RANBP2: variants seen among roughly 807,000 people sequenced by gnomAD.
RANBP2 encodes RAN binding protein 2.
A neutral mutation model predicts 303.6 loss-of-function variants in RANBP2; 57 were observed. The ratio of observed to expected loss-of-function variants is 0.19; its 90% CI spans 0.15 to 0.23. The LOEUF (loss-of-function observed/expected upper bound fraction) is 0.23. Ranked by LOEUF, RANBP2 falls within the 10% of genes least tolerant of loss-of-function variation. RANBP2 has a pLI of 1.00. For missense variants in RANBP2, 3,138 were observed against 3,780.8 expected (o/e 0.83, Z 4.46); for synonymous variants, 1,167 against 1,301.5 (o/e 0.90, Z 2.23).
At chr2:108,797,631 G>A in the RANBP2 span, among the ~76,000 whole-genome samples, 6 of 152,242 alleles carry the variant, frequency 3.9e-5, no homozygotes, top group African/African-American at 1.4e-4. Flanking sequence ...TCACAGGATG[G>A]CTTAAGGCAA....
chr2:109,609,178 A>T, the RANBP2 span, among the ~76,000 whole-genome samples: 1 of 152,354 alleles, frequency 6.6e-6, no homozygotes, highest in South Asian at 2.1e-4. Context: ...ATTAGAACAT[A>T]AGTGTAGATG....
chr2:108,932,106 G>A, the RANBP2 span, among the ~76,000 whole-genome samples: 88 of 152,210 alleles, frequency 5.8e-4, no homozygotes, highest in East Asian at 3.5e-3. Flanking sequence ...CAAAAACACC[G>A]TGACGAACAT....
the RANBP2 span, among the ~76,000 whole-genome samples, chr2:109,638,389 T>C: frequency 1.3e-5 from 2 of 152,226 alleles, no homozygotes; most frequent in Non-Finnish European, 1.5e-5. Flanking sequence ...TTCATTTTCA[T>C]GTTCCATCAG....
the RANBP2 span, among the ~76,000 whole-genome samples, chr2:108,943,616 G>A: frequency 6.6e-6 from 1 of 152,112 alleles, no homozygotes; most frequent in Admixed American, 6.5e-5. Context: ...ACTCACTTCC[G>A]AGCACAACAG....
the RANBP2 span, among the ~76,000 whole-genome samples, chr2:108,964,449 G>T: frequency 1.3e-5 from 2 of 152,124 alleles, no homozygotes; most frequent in African/African-American, 4.8e-5. Context: ...CTAAACTGAA[G>T]AGGAAACCCA....
chr2:108,723,174 T>G (rs1255714364), intron 1 of RANBP2, among the ~76,000 whole-genome samples: 1 of 148,412 alleles, frequency 6.7e-6, no homozygotes, highest in Non-Finnish European at 1.5e-5. Flanking sequence ...TTGACAGCTG[T>G]TAGTTGTTTT....
Position 108,775,864 on chromosome 2 carries a change from T to C in RANBP2, c.8425T>C (p.Ser2809Pro). The change falls in exon 24 of 29, where the codon TCC becomes CCC. Residue 2809 changes from serine (S) to proline (P), a missense_variant. This residue lies in a region of RANBP2 where 497 missense variants were observed against 465.8 expected (regional missense o/e 1.07). Coordinates refer to ENST00000283195, the MANE Select transcript of RANBP2 (RefSeq NM_006267.5). ...ITKSISSPSV[S>P]SETMDKPVDL... ...CAAATCCATTAGTTCACCATCTGTT[T>C]CCTCTGAAACTATGGACAAACCTGT... 2 of 1,613,552 alleles carry C rather than the reference T, an allele frequency of 1.2e-6. No homozygotes were observed. The highest frequency in any genetic ancestry group is 1.7e-6 in the Non-Finnish European group (2 of 1,179,922).
chr2:108,752,656 G>T (rs1432258199), intron 12 of RANBP2, among the ~76,000 whole-genome samples: 2 of 151,160 alleles, frequency 1.3e-5, no homozygotes, highest in African/African-American at 2.4e-5. Context: ...AGCCGGGCGT[G>T]GTGGCAGGCA....
chr2:108,921,299 C>T, the RANBP2 span, among the ~76,000 whole-genome samples: 2 of 152,164 alleles, frequency 1.3e-5, no homozygotes. Context: ...CCTGCAGCTG[C>T]GACCCATTGT....
At chr2:108,738,797 T>A (rs1695835199) in intron 6 of RANBP2, among the ~76,000 whole-genome samples, 1 of 151,218 alleles carries the variant, frequency 6.6e-6, no homozygotes, top group Admixed American at 6.6e-5. Context: ...CCTGGCTAAT[T>A]TTTTGTATTT....
the RANBP2 span, among the ~76,000 whole-genome samples, chr2:109,054,377 A>G: frequency 6.6e-6 from 1 of 152,148 alleles, no homozygotes; most frequent in African/African-American, 2.4e-5. Context: ...AAATTGGAGT[A>G]TAATTTACAT....
the RANBP2 span, among the ~76,000 whole-genome samples, chr2:108,820,611 C>T: frequency 6.6e-6 from 1 of 150,906 alleles, no homozygotes; most frequent in Admixed American, 6.6e-5. Flanking sequence ...CAGCTGGTCA[C>T]GTTCAAGGGA....
the RANBP2 span, among the ~76,000 whole-genome samples, chr2:109,464,406 C>G: frequency 6.6e-6 from 1 of 151,930 alleles, no homozygotes; most frequent in African/African-American, 2.4e-5. Context: ...AACAAAAATA[C>G]ACATACAAAC....
chr2:109,690,826 C>G, the RANBP2 span, among the ~76,000 whole-genome samples: 1 of 152,178 alleles, frequency 6.6e-6, no homozygotes, highest in Non-Finnish European at 1.5e-5. Flanking sequence ...CCCTTCCTGA[C>G]TTTGTTTTTT....
In RANBP2 at chr2:108,753,499, T is replaced by C. The variant is rs770464476; in HGVS notation, c.1991T>C (p.Ile664Thr). Residue 664 changes from isoleucine to threonine, a missense_variant, in exon 14 of 29, where the codon ATA becomes ACA. Coordinates refer to ENST00000283195, the MANE Select transcript of RANBP2 (RefSeq NM_006267.5). ...FAILDAVNGNIEDAVTAFESI... is the reference protein window; with the variant it reads ...FAILDAVNGNTEDAVTAFESI... ...ATATTGGATGCAGTAAATGGAAATA[T>C]AGAAGATGCTGTGACTGCTTTTGAA... The C allele has an allele frequency of 1.3e-5, 21 of 1,611,822 alleles. No individual in the cohort carries two copies. The highest frequency in any genetic ancestry group is 3.3e-5 in the Admixed American group (2 of 60,002).
the RANBP2 span, chr2:109,347,971 G>T: frequency 2.0e-5 from 31 of 1,574,270 alleles, no homozygotes; most frequent in Non-Finnish European, 2.5e-5. Context: ...CCCGGGGTGG[G>T]CCCCGCCAGC....
the RANBP2 span, among the ~76,000 whole-genome samples, chr2:109,680,963 C>T: frequency 6.6e-6 from 1 of 152,134 alleles, no homozygotes; most frequent in Non-Finnish European, 1.5e-5. Context: ...CAGCAATTCT[C>T]CTAAATTCAT....
the RANBP2 span, chr2:109,614,770 C>T: frequency 6.8e-7 from 1 of 1,478,756 alleles, no homozygotes; most frequent in South Asian, 1.3e-5. Context: ...TCCGGGGACC[C>T]GCCGCGAATC....
chr2:109,312,636 C>T, the RANBP2 span, among the ~76,000 whole-genome samples: 1 of 152,210 alleles, frequency 6.6e-6, no homozygotes, highest in African/African-American at 2.4e-5. Context: ...ATACATGGCC[C>T]TTTGGTCTAG....
Sources: gnomAD v4.1 joint callset for allele counts (sites outside exome capture counted in the v4.1 genomes callset) on GRCh38, gnomAD v4.1.1 for gene constraint, gnomAD v4.1.1 regional missense constraint, MANE v1.5 for transcripts, NCBI Gene and HGNC (gene_info 2026-07-23, HGNC 2026-07-21) for gene names.